Variants in SPATS2L observed in about 807,000 individuals in gnomAD.
SPATS2L encodes the protein SPATS2-like protein.
A neutral mutation model predicts 59.6 loss-of-function variants in SPATS2L; 30 were observed. The observed-to-expected ratio is 0.50, with a 90% CI of 0.38 to 0.68. The LOEUF (loss-of-function observed/expected upper bound fraction) is 0.68, where lower values mean the gene tolerates loss of function less well. SPATS2L is among the 30% of genes least tolerant of loss of function. The pLI is 0.00. For synonymous variants in SPATS2L, 252 were observed against 263.5 expected (o/e 0.96, Z 0.42); for missense variants, 615 against 700.0 (o/e 0.88, Z 1.37).
intron 6 of SPATS2L, among the ~76,000 whole-genome samples, chr2:200,434,307 T>TA (rs2084134282): frequency 6.6e-6 from 1 of 152,024 alleles, no homozygotes; most frequent in Non-Finnish European, 1.5e-5. Flanking sequence ...TACAGCTGTG[T>TA]AATACTTGAT....
chr2:200,422,523 T>G, intron 6 of SPATS2L, among the ~76,000 whole-genome samples: 3 of 2,324 alleles, frequency 1.3e-3, no homozygotes, highest in Non-Finnish European at 2.7e-3. Flanking sequence ...GACAGCAGAG[T>G]GAGTAAGACT....
chr2:200,367,775 A>G (rs2081309705), intron 2 of SPATS2L, among the ~76,000 whole-genome samples: 1 of 152,228 alleles, frequency 6.6e-6, no homozygotes, highest in South Asian at 2.1e-4. Flanking sequence ...GTTATTGATC[A>G]TGTTGATGAT....
At chr2:200,311,374 A>G (rs2079187424) in intron 1 of SPATS2L, among the ~76,000 whole-genome samples, 1 of 152,188 alleles carries the variant, frequency 6.6e-6, no homozygotes, top group African/African-American at 2.4e-5. Context: ...TGGGATAATG[A>G]TGGAGTCTGG....
intron 10 of SPATS2L, among the ~76,000 whole-genome samples, chr2:200,468,938 CCCAT>C (rs1470060408): frequency 6.6e-6 from 1 of 152,214 alleles, no homozygotes. Context: ...CAAAACGCCA[CCCAT>C]CATAAAATAG....
chr2:200,406,733 C>T (rs79387952), intron 3 of SPATS2L, among the ~76,000 whole-genome samples: 13,287 of 152,242 alleles, frequency 0.087, 785 homozygotes, highest in South Asian at 0.19. Flanking sequence ...TGTTTATATC[C>T]GTTTCCCTCT....
At chr2:200,441,855 T>C (rs2084722576) in intron 8 of SPATS2L, among the ~76,000 whole-genome samples, 1 of 152,230 alleles carries the variant, frequency 6.6e-6, no homozygotes, top group South Asian at 2.1e-4. Flanking sequence ...TTCTTCTGCA[T>C]GCTTTTCCTA....
chr2:200,460,503 T>C (rs949987341), intron 9 of SPATS2L, among the ~76,000 whole-genome samples: 20 of 152,084 alleles, frequency 1.3e-4, no homozygotes, highest in Non-Finnish European at 2.9e-4. Flanking sequence ...CCCAGCACTT[T>C]AGGAGGCCGA....
At chr2:200,340,109 C>T (rs1447524803) in intron 2 of SPATS2L, among the ~76,000 whole-genome samples, 1 of 152,160 alleles carries the variant, frequency 6.6e-6, no homozygotes, top group African/African-American at 2.4e-5. Flanking sequence ...CTAAGAGCCC[C>T]ACTGTGGCCA....
intron 8 of SPATS2L, among the ~76,000 whole-genome samples, chr2:200,458,452 C>T (rs2086007330): frequency 6.6e-6 from 1 of 151,924 alleles, no homozygotes; most frequent in Non-Finnish European, 1.5e-5. Flanking sequence ...AAGTGTTCCT[C>T]CTAAGAAAAT....
chr2:200,369,047 T>G (rs1023626933), intron 2 of SPATS2L, among the ~76,000 whole-genome samples: 21 of 149,048 alleles, frequency 1.4e-4, no homozygotes, highest in Non-Finnish European at 2.4e-4. Context: ...CATAACTGTT[T>G]GAATGATTAG....
chr2:200,329,374 G>A (rs549266011), intron 1 of SPATS2L, 57 bp from the exon 2 acceptor site: 2 of 1,378,224 alleles, frequency 1.5e-6, no homozygotes, highest in Non-Finnish European at 2.0e-6. Flanking sequence ...TGGGAAATGG[G>A]TGGTGTGGCT....
At chr2:200,412,921 G>C (rs977634550) in intron 4 of SPATS2L, among the ~76,000 whole-genome samples, 1 of 152,110 alleles carries the variant, frequency 6.6e-6, no homozygotes, top group Non-Finnish European at 1.5e-5. Context: ...GCCAGGCATA[G>C]TAATGCACGC....
chr2:200,326,451 T>C (rs950116267), intron 1 of SPATS2L, among the ~76,000 whole-genome samples: 2 of 152,210 alleles, frequency 1.3e-5, no homozygotes, highest in African/African-American at 2.4e-5. Flanking sequence ...TACTGAAATT[T>C]CAATCGTTTT....
chr2:200,361,085 C>A (rs1182484892), intron 2 of SPATS2L, among the ~76,000 whole-genome samples: 1 of 137,452 alleles, frequency 7.3e-6, no homozygotes, highest in East Asian at 2.3e-4. Flanking sequence ...CCCCACCCCC[C>A]CACACACACA....
chr2:200,333,550 G>A (rs1019515660), intron 2 of SPATS2L, among the ~76,000 whole-genome samples: 1 of 151,254 alleles, frequency 6.6e-6, no homozygotes, highest in Non-Finnish European at 1.5e-5. Flanking sequence ...TGTGCACAAC[G>A]TGCAGGTTTG....
intron 2 of SPATS2L, among the ~76,000 whole-genome samples, chr2:200,368,031 A>T (rs759205261): frequency 4.5e-4 from 68 of 152,232 alleles, no homozygotes; most frequent in Non-Finnish European, 7.6e-4. Flanking sequence ...AATCTGCCCT[A>T]AGAAAAGAAG....
At chr2:200,412,502 A>G (rs2082911897) in intron 4 of SPATS2L, 83 bp downstream of exon 4, 1 of 699,994 alleles carries the variant, frequency 1.4e-6, no homozygotes, top group Non-Finnish European at 2.3e-6. Context: ...AATGAACTGA[A>G]TATCAATTCA....
intron 8 of SPATS2L, among the ~76,000 whole-genome samples, chr2:200,445,874 A>G (rs1382144969): frequency 6.6e-6 from 1 of 151,668 alleles, no homozygotes; most frequent in East Asian, 1.9e-4. Flanking sequence ...TGGGTTTTTT[A>G]TGTGTTCTCT....
chr2:200,403,821 G>A (rs1275635344), intron 3 of SPATS2L, among the ~76,000 whole-genome samples: 1 of 147,284 alleles, frequency 6.8e-6, no homozygotes, highest in Non-Finnish European at 1.5e-5. Flanking sequence ...GGCCTGCTCA[G>A]CATTCCATCA....
Sources: allele counts gnomAD v4.1 joint callset (sites outside exome capture counted in the v4.1 genomes callset), GRCh38; gene constraint gnomAD v4.1.1; transcripts MANE v1.5; gene names NCBI Gene and HGNC (gene_info 2026-07-23, HGNC 2026-07-21).